Variants in PRPH observed in about 807,000 individuals in gnomAD.
PRPH encodes peripherin, also known as neurofilament 4 (57kD).
Under a neutral mutation model 52.6 loss-of-function variants are expected in PRPH, and 48 were observed. The observed-to-expected ratio is 0.91, with a 90% CI of 0.72 to 1.16. The LOEUF (loss-of-function observed/expected upper bound fraction) is 1.16. Ranked by LOEUF, PRPH falls within the 50% of genes most tolerant of loss-of-function variation. The probability of loss-of-function intolerance (pLI) is 0.00; values close to 1 mark genes in which losing one functional copy is unlikely to be tolerated. For missense variants in PRPH, 579 were observed against 635.7 expected, an observed-to-expected ratio of 0.91 and a Z score of 0.96; for synonymous variants, 279 against 283.8, an observed-to-expected ratio of 0.98 and a Z score of 0.17.
Position 49,297,047 on chromosome 12 carries a change from C to T in PRPH, c.861C>T (p.Tyr287=). The T allele has an allele frequency of 6.2e-7, 1 of 1,613,822 alleles. No homozygotes were observed. The highest frequency in any genetic ancestry group is 8.5e-7 in the Non-Finnish European group (1 of 1,179,940). Residue 287 remains tyrosine (Y), a synonymous_variant, in exon 4 of 9, where the codon TAC becomes TAT. Transcript: ENST00000257860. This position sits in a 1 kb window ranked among gnomAD's most constrained non-coding sequence, Gnocchi z 4.4. Reference sequence around the variant, plus strand: ...ACCTGCAGGAGGCGGAGGAGTGGTACAAGTCCAAGGTGCAAGAGCCGGGAG... The same window carrying T: ...ACCTGCAGGAGGCGGAGGAGTGGTATAAGTCCAAGGTGCAAGAGCCGGGAG... The part of the protein sequence containing the change: ...AKNLQEAEEW[Y]KSKYADLSDA...
In PRPH at chr12:49,296,889, G is replaced by A. The variant is rs1565658650; in HGVS notation, c.703G>A (p.Glu235Lys). Residue 235 changes from glutamate to lysine, a missense_variant and splice_region_variant, in exon 4 of 9, where the codon GAG becomes AAG. Transcript: ENST00000257860. The surrounding 1 kb of genome is among the most constrained non-coding windows in gnomAD (Gnocchi z 5.1). ...IEFLKKLHEE[E>K]LRDLQVSVES... ...ATCCTCTGCCTGCTCCCGGCCGTAG[G>A]AGCTGCGAGACCTGCAGGTGAGTGT... 6.2e-7 allele frequency: 1 copy of A among 1,610,048 alleles called. No homozygotes were observed. Among genetic ancestry groups the A allele is most frequent in the East Asian group, 2.2e-5 (1 of 44,710 alleles).
rs112146976 is a variant in PRPH at position 49,297,620 on chromosome 12, C to A, written c.1217+43C>A. On this transcript the variant is annotated intron_variant, in intron 6 of 8. Coordinates refer to ENST00000257860, the MANE Select transcript of PRPH (RefSeq NM_006262.4). The surrounding 1 kb of genome is among the most constrained non-coding windows in gnomAD (Gnocchi z 4.4). ...GGGGCGGGGCAGGGCGGGGTCGGGA[C>A]TGGGCCGGGCAGGGCGGGGCCTGGG... The A allele has an allele frequency of 0.061, 80,290 of 1,312,148 alleles. 2,267 individuals carry two copies. Among genetic ancestry groups the A allele is most frequent in the African/African-American group, 0.087 (5,676 of 65,094 alleles). 81.3% of individuals were successfully genotyped at this position (1,312,148 alleles called of 1,614,324 possible). A position where few individuals can be genotyped will look rare whatever the true frequency, so the allele number is the denominator to read the frequency against.
In PRPH at chr12:49,298,025, C is replaced by A. The variant is rs367644341; in HGVS notation, c.1335C>A (p.Thr445=). The A allele has an allele frequency of 4.9e-5, 79 of 1,614,042 alleles. No individual in the cohort carries two copies. The highest frequency in any genetic ancestry group is 5.3e-5 in the African/African-American group (4 of 74,908). Residue 445 remains threonine, a synonymous_variant, in exon 8 of 9, where the codon ACC becomes ACA. Coordinates refer to ENST00000257860, the MANE Select transcript of PRPH (RefSeq NM_006262.4). The stretch of plus-strand genomic sequence containing the variant: ...CGGTTCTGATCAAGACCATTGAGAC[C>A]CGGAATGGGGAGGTGAGGCAGGTCC... ...RKTVLIKTIE[T]RNGEVVTESQ...
chr12:49,295,845 C>T, intron 1 of PRPH, 100 bp downstream of exon 1: 1 of 1,439,600 alleles, frequency 6.9e-7, no homozygotes, highest in Non-Finnish European at 9.1e-7. Context: ...CCATCAGCAG[C>T]CCAAGGGTGT....
intron 1 of PRPH, 194 bp downstream of exon 1, chr12:49,295,939 GTGTT>G (rs1167903282): frequency 3.4e-6 from 5 of 1,450,822 alleles, no homozygotes; most frequent in Admixed American, 2.5e-5. Context: ...TTTGCTCTGA[GTGTT>G]TGGGGAGGTG....
chr12:49,297,108 G>T lies in PRPH; in HGVS notation c.871-40G>T. The stretch of plus-strand genomic sequence containing the variant: ...GCGGGACGCTGGGGTGGTGTCGCGC[G>T]TCCCAGCCGACTAAAGCCTGGGTTA... On this transcript the variant is annotated intron_variant, in intron 4 of 8. Coordinates refer to ENST00000257860, the MANE Select transcript of PRPH (RefSeq NM_006262.4). The surrounding 1 kb of genome is among the most constrained non-coding windows in gnomAD (Gnocchi z 4.4). 1.2e-6 allele frequency: 2 copies of T among 1,613,906 alleles called. No individual in the cohort carries two copies. The highest frequency in any genetic ancestry group is 2.2e-5 in the South Asian group (2 of 91,076).
chr12:49,298,224 A>G (rs1020068077), intron 8 of PRPH, 64 bp from the exon 9 acceptor site: 35 of 1,594,742 alleles, frequency 2.2e-5, no homozygotes, highest in Admixed American at 8.4e-5. Context: ...TCTATGATCC[A>G]AAGGAGTAGG....
Position 49,296,603 on chromosome 12 carries a change from G to A in PRPH, c.702+76G>A, listed in dbSNP as rs1238351944. 2 of 1,392,222 alleles carry A rather than the reference G, an allele frequency of 1.4e-6. No individual in the cohort carries two copies. The highest frequency in any genetic ancestry group is 1.8e-5 in the Admixed American group (1 of 54,196). The allele number at this position is 1,392,222 out of a possible 1,614,324, so 86.2% of individuals were successfully genotyped here. On this transcript the variant is annotated intron_variant, in intron 3 of 8. Transcript: ENST00000257860. The surrounding 1 kb of genome is among the most constrained non-coding windows in gnomAD (Gnocchi z 5.1). ...GCTGGAGCTGGCGGGTGGAGCGGAG[G>A]CATCGCCCTGGGGATCAGGACGATG... is the stretch of plus-strand genomic sequence containing the variant.
At position 49,297,017 on chromosome 12, in the gene PRPH, G is replaced by C. The variant is rs1247344923; in HGVS notation, c.831G>C (p.Ala277=). The change falls in exon 4 of 9, where the codon GCG becomes GCC. Residue 277 remains alanine, a synonymous_variant. Transcript: ENST00000257860. The surrounding 1 kb of genome is among the most constrained non-coding windows in gnomAD (Gnocchi z 4.4). ...DIRAQYESIA[A]KNLQEAEEWY... is the part of the protein sequence containing the mutation. ...GCGCGCAGTACGAGAGCATCGCCGCGAAGAACCTGCAGGAGGCGGAGGAGT... is the reference window on the plus strand; with the variant it reads ...GCGCGCAGTACGAGAGCATCGCCGCCAAGAACCTGCAGGAGGCGGAGGAGT... 1 of 1,613,776 alleles carries C rather than the reference G, an allele frequency of 6.2e-7. No individual in the cohort carries two copies. The highest frequency in any genetic ancestry group is 1.7e-5 in the Admixed American group (1 of 59,988).
chr12:49,297,162 C>T lies in PRPH; in HGVS notation c.885C>T (p.Ser295=). The T allele has an allele frequency of 1.2e-6, 2 of 1,613,990 alleles. No homozygotes were observed. The highest frequency in any genetic ancestry group is 1.6e-4 in the Middle Eastern group (1 of 6,062). ...EWYKSKYADL[S]DAANRNHEAL... is the part of the protein sequence containing the mutation. ...CCACTTCTCAGTACGCGGACCTGTC[C>T]GACGCTGCCAACCGGAACCACGAGG... Residue 295 remains serine, a synonymous_variant, in exon 5 of 9, where the codon TCC becomes TCT. Transcript: ENST00000257860. This position sits in a 1 kb window ranked among gnomAD's most constrained non-coding sequence, Gnocchi z 4.4.
At position 49,298,029 on chromosome 12, in the gene PRPH, A is replaced by G; in HGVS notation, c.1339A>G (p.Asn447Asp). The change falls in exon 8 of 9, where the codon AAT (asparagine) becomes GAT (aspartate). Residue 447 changes from asparagine to aspartate, a missense_variant. By Grantham distance (23) the Asn-to-Asp change is conservative (BLOSUM62 1). Coordinates refer to ENST00000257860, the MANE Select transcript of PRPH (RefSeq NM_006262.4). ...TCTGATCAAGACCATTGAGACCCGG[A>G]ATGGGGAGGTGAGGCAGGTCCCCTA... ...TVLIKTIETR[N>D]GEVVTESQKE... is the part of the protein sequence containing the mutation. 6.2e-7 allele frequency: 1 copy of G among 1,614,162 alleles called. No individual in the cohort carries two copies.
At position 49,297,656 on chromosome 12, in the gene PRPH, G is replaced by A; in HGVS notation, c.1218-21G>A. On this transcript the variant is annotated intron_variant, in intron 6 of 8. Coordinates refer to ENST00000257860, the MANE Select transcript of PRPH (RefSeq NM_006262.4). This position sits in a 1 kb window ranked among gnomAD's most constrained non-coding sequence, Gnocchi z 4.4. ...AGGGCGGGGCCTGGGCAGGGGCGCTGACAACTTGCTTCGCCTCTAGGATCT... is the reference window on the plus strand; with the variant it reads ...AGGGCGGGGCCTGGGCAGGGGCGCTAACAACTTGCTTCGCCTCTAGGATCT... 1 of 1,613,402 alleles carries A rather than the reference G, an allele frequency of 6.2e-7. No homozygotes were observed.
chr12:49,296,695 C>G lies in PRPH; in HGVS notation c.702+168C>G. Reference sequence around the variant, plus strand: ...AGACTCCCACCCTTGCGCCACCTGGCGGCGGGCAGCGGGGCTGTACCTCCG... The same window carrying G: ...AGACTCCCACCCTTGCGCCACCTGGGGGCGGGCAGCGGGGCTGTACCTCCG... On this transcript the variant is annotated intron_variant, in intron 3 of 8. Transcript: ENST00000257860. The surrounding 1 kb of genome is among the most constrained non-coding windows in gnomAD (Gnocchi z 5.1). 8.9e-7 allele frequency: 1 copy of G among 1,121,806 alleles called. No homozygotes were observed. 69.5% of individuals were successfully genotyped at this position (1,121,806 alleles called of 1,614,324 possible).
rs373867021 is a variant in PRPH at position 49,296,210 on chromosome 12, C to A, written c.578C>A (p.Ala193Glu). Residue 193 changes from alanine (A) to glutamate (E), a missense_variant, in exon 2 of 9, where the codon GCG (alanine) becomes GAG (glutamate). Ala to Glu is a moderately radical substitution (Grantham distance 107, BLOSUM62 -1). Coordinates refer to ENST00000257860, the MANE Select transcript of PRPH (RefSeq NM_006262.4). The surrounding 1 kb of genome is among the most constrained non-coding windows in gnomAD (Gnocchi z 5.1). The part of the protein sequence containing the change: ...LEEETRKRED[A>E]EHNLVLFRKD... ...GAGGAGACGCGCAAGCGGGAGGACG[C>A]GGAGCACAACCTCGTGCTCTTCCGC... The A allele has an allele frequency of 2.2e-5, 35 of 1,612,934 alleles. No homozygotes were observed. The highest frequency in any genetic ancestry group is 5.0e-5 in the Admixed American group (3 of 59,976).
At position 49,297,095 on chromosome 12, in the gene PRPH, G is replaced by A. The variant is rs376533188; in HGVS notation, c.870+39G>A. ...GAGGGCCTGCGAGGCGGGACGCTGG[G>A]GTGGTGTCGCGCGTCCCAGCCGACT... On this transcript the variant is annotated intron_variant, in intron 4 of 8. Transcript: ENST00000257860. This position sits in a 1 kb window ranked among gnomAD's most constrained non-coding sequence, Gnocchi z 4.4. The A allele has an allele frequency of 7.9e-5, 127 of 1,613,740 alleles. No individual in the cohort carries two copies. The highest frequency in any genetic ancestry group is 1.0e-4 in the Non-Finnish European group (118 of 1,179,958).
In PRPH at chr12:49,296,267, C is replaced by T. The variant is rs1404918477; in HGVS notation, c.606+29C>T. The T allele has an allele frequency of 6.2e-7, 1 of 1,610,638 alleles. No homozygotes were observed. Among genetic ancestry groups the T allele is most frequent in the Non-Finnish European group, 8.5e-7 (1 of 1,178,576 alleles). ...AGTCCGAGCCCCTCTCCGAGTTCAG[C>T]CTCCCCACCGCTACCCCCGATCTCA... On this transcript the variant is annotated intron_variant, in intron 2 of 8. Transcript: ENST00000257860. The surrounding 1 kb of genome is among the most constrained non-coding windows in gnomAD (Gnocchi z 5.1).
chr12:49,295,488 C>T lies in PRPH; in HGVS notation c.288C>T (p.Asn96=), dbSNP rs1483362381. The change falls in exon 1 of 9, where the codon AAC becomes AAT. Residue 96 remains asparagine, a synonymous_variant. Transcript: ENST00000257860. ...LNQEFLATRS[N]EKQELQELND... ...AGGAGTTCCTGGCCACGCGCAGCAA[C>T]GAGAAGCAGGAGCTGCAGGAGCTCA... The T allele has an allele frequency of 1.9e-6, 3 of 1,609,058 alleles. No individual in the cohort carries two copies. Among genetic ancestry groups the T allele is most frequent in the African/African-American group, 1.3e-5 (1 of 75,010 alleles).
rs762127838 is a variant in PRPH, at chr12:49,295,521, C to A, written c.321C>A (p.Arg107=). The change falls in exon 1 of 9, where the codon CGC becomes CGA. Residue 107 remains arginine, a synonymous_variant. Transcript: ENST00000257860. ...EKQELQELND[R]FANFIEKVRF... Reference sequence around the variant, plus strand: ...AGGAGCTGCAGGAGCTCAACGACCGCTTCGCCAACTTCATCGAGAAGGTAC... The same window carrying A: ...AGGAGCTGCAGGAGCTCAACGACCGATTCGCCAACTTCATCGAGAAGGTAC... 5 of 1,600,728 alleles carry A rather than the reference C, an allele frequency of 3.1e-6. No homozygotes were observed. The South Asian group carries it at 4.5e-5, about 14-fold the overall frequency.
At position 49,297,253 on chromosome 12, in the gene PRPH, G is replaced by A. The variant is rs1943196780; in HGVS notation, c.976G>A (p.Val326Met). 2 of 1,614,050 alleles carry A rather than the reference G, an allele frequency of 1.2e-6. 1 individual carries two copies. The highest frequency in any genetic ancestry group is 2.2e-5 in the South Asian group (2 of 91,084). Residue 326 changes from valine to methionine, a missense_variant, in exon 5 of 9, where the codon GTG becomes ATG. By Grantham distance (21) the Val-to-Met change is conservative. Transcript: ENST00000257860. The surrounding 1 kb of genome is among the most constrained non-coding windows in gnomAD (Gnocchi z 4.4). Reference sequence around the variant, plus strand: ...CCAGATCCAGAGTCTAACGTGCGAGGTGGACGGGCTGCGCGGCACGGTGAG... The same window carrying A: ...CCAGATCCAGAGTCTAACGTGCGAGATGGACGGGCTGCGCGGCACGGTGAG... Reference protein sequence around the residue: ...RRQIQSLTCEVDGLRGTNEAL... With the variant: ...RRQIQSLTCEMDGLRGTNEAL...
Sources: allele counts gnomAD v4.1 joint callset, GRCh38; gene constraint gnomAD v4.1.1; non-coding constraint Gnocchi (gnomAD v3.1); transcripts MANE v1.5; gene names NCBI Gene and HGNC (gene_info 2026-07-23, HGNC 2026-07-21).